The following CEP89 variants were observed in gnomAD, a reference collection of about 807,000 sequenced individuals.
The protein encoded by CEP89 is centrosomal protein of 89 kDa.
CEP89 carries 95 observed loss-of-function variants against 97.6 expected under a neutral mutation model. The observed-to-expected ratio is 0.97, with a 90% CI of 0.82 to 1.15. The LOEUF (loss-of-function observed/expected upper bound fraction) is 1.15. Among genes scored for constraint, CEP89 ranks in the 50% most tolerant of loss-of-function variants. The probability of loss-of-function intolerance (pLI) is 0.00; values close to 1 mark genes in which losing one functional copy is unlikely to be tolerated. For missense variants in CEP89, 869 were observed against 947.7 expected (o/e 0.92, Z 1.09); for synonymous variants, 354 against 349.1 (o/e 1.01, Z -0.16).
Position 32,948,249 on chromosome 19 carries a change from T to C in CEP89, c.595+17A>G. On this transcript the variant is annotated intron_variant, in intron 5 of 18. Coordinates refer to ENST00000305768, the MANE Select transcript of CEP89 (RefSeq NM_032816.5). ...ATGTTCTTATATTTTATAAAAATTG[T>C]GGTTTTTTTTTTCTACCTTTTTGTT... 7.0e-7 allele frequency: 1 copy of C among 1,421,550 alleles called. No individual in the cohort carries two copies. The highest frequency in any genetic ancestry group is 9.6e-7 in the Non-Finnish European group (1 of 1,036,762). 88.1% of individuals were successfully genotyped at this position (1,421,550 alleles called of 1,614,324 possible).
chr19:32,916,683 G>A (rs914776077), intron 13 of CEP89, among the ~76,000 whole-genome samples: 8 of 152,142 alleles, frequency 5.3e-5, no homozygotes, highest in African/African-American at 1.9e-4. Context: ...ATTTATTATA[G>A]CATAAAACTG....
intron 18 of CEP89, among the ~76,000 whole-genome samples, chr19:32,881,541 T>G (rs900067443): frequency 1.3e-5 from 2 of 150,064 alleles, no homozygotes; most frequent in African/African-American, 2.5e-5. Context: ...AAAAATAAAA[T>G]AAAAAGAAAA....
rs999140531 is a variant in CEP89 at position 32,876,835 on chromosome 19, A to G, written c.*2327T>C. 6.6e-6 allele frequency: 1 copy of G among 152,262 alleles called. No individual in the cohort carries two copies. The highest frequency in any genetic ancestry group is 2.4e-5 in the African/African-American group (1 of 41,464). 9.4% of individuals were successfully genotyped at this position (152,262 alleles called of 1,614,324 possible). On this transcript the variant is annotated 3_prime_UTR_variant, in exon 19 of 19. Transcript: ENST00000305768. ...GCCATCCAGGAGTCCCCATACTTGCAAAGTATGTTTGCACTGTGTGAAAAA... is the reference window on the plus strand; with the variant it reads ...GCCATCCAGGAGTCCCCATACTTGCGAAGTATGTTTGCACTGTGTGAAAAA...
chr19:32,905,157 T>C (rs1022657937), intron 14 of CEP89, among the ~76,000 whole-genome samples: 2 of 152,206 alleles, frequency 1.3e-5, no homozygotes, highest in African/African-American at 4.8e-5. Context: ...GAGGGCAACC[T>C]TGTATTGTTT....
intron 14 of CEP89, among the ~76,000 whole-genome samples, chr19:32,909,908 C>T (rs1416955153): frequency 6.6e-6 from 1 of 151,706 alleles, no homozygotes; most frequent in Non-Finnish European, 1.5e-5. Context: ...CCCACTGCAG[C>T]GAATGAAAAA....
chr19:32,965,218 G>A (rs927705029), intron 2 of CEP89, among the ~76,000 whole-genome samples: 2 of 152,108 alleles, frequency 1.3e-5, no homozygotes, highest in Non-Finnish European at 2.9e-5. Context: ...GGGCAACATA[G>A]TGAGACCTCC....
intron 16 of CEP89, among the ~76,000 whole-genome samples, chr19:32,897,472 A>T (rs1969667235): frequency 6.6e-6 from 1 of 152,238 alleles, no homozygotes; most frequent in Non-Finnish European, 1.5e-5. Context: ...AATGAGGAAG[A>T]GAACTAACCT....
chr19:32,948,711 C>T (rs1270984526), intron 4 of CEP89, among the ~76,000 whole-genome samples: 2 of 152,082 alleles, frequency 1.3e-5, no homozygotes, highest in Non-Finnish European at 2.9e-5. Context: ...GTACTGACAC[C>T]ATGTTACTAG....
rs1258427320 is a variant in CEP89 at position 32,878,387 on chromosome 19, C to T, written c.*775G>A. 1 of 152,246 alleles carries T rather than the reference C, an allele frequency of 6.6e-6. No individual in the cohort carries two copies. The highest frequency in any genetic ancestry group is 2.4e-5 in the African/African-American group (1 of 41,414). 9.4% of individuals were successfully genotyped at this position (152,246 alleles called of 1,614,324 possible). On this transcript the variant is annotated 3_prime_UTR_variant, in exon 19 of 19. Transcript: ENST00000305768. ...AGCAGCAGCACCTTGTTTTTTTTGACCAAACAAGAAAAGGCCCCCAGAGCT... is the reference window on the plus strand; with the variant it reads ...AGCAGCAGCACCTTGTTTTTTTTGATCAAACAAGAAAAGGCCCCCAGAGCT...
chr19:32,907,565 C>T (rs7249249), intron 14 of CEP89, among the ~76,000 whole-genome samples: 33,459 of 151,822 alleles, frequency 0.22, 3,922 homozygotes, highest in East Asian at 0.52. Context: ...CATTCTCCTG[C>T]CTCATCCTCC....
chr19:32,943,863 T>C (rs1265197423), intron 5 of CEP89, among the ~76,000 whole-genome samples: 1 of 151,418 alleles, frequency 6.6e-6, no homozygotes, highest in Non-Finnish European at 1.5e-5. Context: ...CTGGGGTATG[T>C]GGGGGTGTGA....
chr19:32,933,327 A>G, intron 8 of CEP89, 124 bp downstream of exon 8: 1 of 790,880 alleles, frequency 1.3e-6, no homozygotes, highest in Non-Finnish European at 2.0e-6. Context: ...ATATTAACAA[A>G]AAAACCTGAA....
intron 13 of CEP89, chr19:32,917,713 T>C (rs545119834): frequency 1.4e-6 from 1 of 726,052 alleles, no homozygotes; most frequent in African/African-American, 1.9e-5. Flanking sequence ...CTCCTAGGGG[T>C]TGGGGGAATG....
intron 16 of CEP89, among the ~76,000 whole-genome samples, chr19:32,889,310 A>G (rs1969465876): frequency 6.6e-6 from 1 of 152,142 alleles, no homozygotes; most frequent in Non-Finnish European, 1.5e-5. Flanking sequence ...GGCAGCTCCC[A>G]TGCCTCTCCC....
At chr19:32,922,921 G>A (rs1036733583) in intron 12 of CEP89, among the ~76,000 whole-genome samples, 2 of 152,112 alleles carry the variant, frequency 1.3e-5, no homozygotes, top group Non-Finnish European at 2.9e-5. Context: ...CTATAGACAA[G>A]TGCCATTACA....
At chr19:32,889,505 C>CA (rs1479796285) in intron 16 of CEP89, among the ~76,000 whole-genome samples, 1 of 152,240 alleles carries the variant, frequency 6.6e-6, no homozygotes, top group African/African-American at 2.4e-5. Context: ...ATTTTACTAA[C>CA]AGTTTGTTGG....
chr19:32,890,661 A>G (rs1471350731), intron 16 of CEP89, among the ~76,000 whole-genome samples: 1 of 152,066 alleles, frequency 6.6e-6, no homozygotes, highest in African/African-American at 2.4e-5. Context: ...CTGTGTCGGG[A>G]AAGGGTGAGA....
At chr19:32,907,177 C>G (rs1969904709) in intron 14 of CEP89, among the ~76,000 whole-genome samples, 1 of 152,190 alleles carries the variant, frequency 6.6e-6, no homozygotes, top group Non-Finnish European at 1.5e-5. Context: ...CTGGGCAACA[C>G]AGCAAGACCC....
intron 5 of CEP89, among the ~76,000 whole-genome samples, chr19:32,945,381 G>A (rs7253624): frequency 0.13 from 19,789 of 151,954 alleles, 1,352 homozygotes; most frequent in East Asian, 0.29. Flanking sequence ...GTATGCAGGG[G>A]CTTTTAATGC....
Sources: allele counts gnomAD v4.1 joint callset (sites outside exome capture counted in the v4.1 genomes callset), GRCh38; gene constraint gnomAD v4.1.1; transcripts MANE v1.5; gene names NCBI Gene and HGNC (gene_info 2026-07-23, HGNC 2026-07-21).